NHLRC2: variants seen among roughly 807,000 people sequenced by gnomAD.
NHLRC2 encodes NHL repeat containing 2, also known as NHL repeat-containing protein 2.
A neutral mutation model predicts 68.1 loss-of-function variants in NHLRC2; 33 were observed. That is an observed-to-expected ratio of 0.48 (90% CI 0.37 to 0.65). The LOEUF is 0.65. NHLRC2 is among the 30% of genes least tolerant of loss of function. The pLI, the probability that NHLRC2 is intolerant of heterozygous loss-of-function variation, is 0.00. For synonymous variants in NHLRC2, 311 were observed against 309.6 expected, an observed-to-expected ratio of 1.00 and a Z score of -0.05; for missense variants, 761 against 853.8, an observed-to-expected ratio of 0.89 and a Z score of 1.35.
intron 5 of NHLRC2, among the ~76,000 whole-genome samples, chr10:113,886,924 A>G (rs1005261809): frequency 2.0e-5 from 3 of 152,214 alleles, no homozygotes; most frequent in African/African-American, 7.2e-5. Flanking sequence ...AGTTAACAGA[A>G]TGAAGAGACA....
At chr10:113,900,945 T>G (rs1250520055) in intron 6 of NHLRC2, among the ~76,000 whole-genome samples, 1 of 152,166 alleles carries the variant, frequency 6.6e-6, no homozygotes, top group African/African-American at 2.4e-5. Flanking sequence ...CATGTCTTTT[T>G]TACAGTCTCT....
Position 113,908,803 on chromosome 10 carries a change from G to A in NHLRC2, c.*267G>A, listed in dbSNP as rs1846297794. The A allele has an allele frequency of 2.2e-6, 1 of 450,504 alleles. No homozygotes were observed. Among genetic ancestry groups the A allele is most frequent in the Non-Finnish European group, 4.0e-6 (1 of 248,814 alleles). The allele number at this position is 450,504 out of a possible 1,614,324, so 27.9% of individuals were successfully genotyped here. On this transcript the variant is annotated 3_prime_UTR_variant, in exon 11 of 11. Coordinates refer to ENST00000369301, the MANE Select transcript of NHLRC2 (RefSeq NM_198514.4). Reference sequence around the variant, plus strand: ...TAATCTATGCTGCTATTTGGCACAAGACTGAAGTTCACACTACAGTAGAGA... The same window carrying A: ...TAATCTATGCTGCTATTTGGCACAAAACTGAAGTTCACACTACAGTAGAGA...
In NHLRC2 at chr10:113,880,666, T is replaced by C. The variant is rs191684977; in HGVS notation, c.909+971T>C. Among the ~76,000 whole-genome samples the C allele has an allele frequency of 3.3e-5, 5 of 152,066 alleles. No homozygotes were observed. The East Asian group carries it at 9.6e-4, about 29-fold the overall frequency. On this transcript the variant is annotated intron_variant, in intron 4 of 10. Coordinates refer to ENST00000369301, the MANE Select transcript of NHLRC2 (RefSeq NM_198514.4). ...AAAAAATACATATAATATATAATAA[T>C]ATCCACTGTACTGTAAGTCTTCCTG...
At chr10:113,866,606 A>G (rs1039157113) in intron 2 of NHLRC2, among the ~76,000 whole-genome samples, 1 of 152,088 alleles carries the variant, frequency 6.6e-6, no homozygotes, top group Non-Finnish European at 1.5e-5. Context: ...CATATAGTAT[A>G]TGCTTTTTTC....
chr10:113,858,665 A>G lies in NHLRC2; in HGVS notation c.316A>G (p.Thr106Ala). 6.2e-7 allele frequency: 1 copy of G among 1,610,824 alleles called. No individual in the cohort carries two copies. The highest frequency in any genetic ancestry group is 1.1e-5 in the South Asian group (1 of 90,876). The stretch of plus-strand genomic sequence containing the variant: ...GCCTGATCTCCATGCATTAGAACAC[A>G]CATACTCTGATAAAGGTATCTGCTC... Reference protein sequence around the residue: ...LLPDLHALEHTYSDKDGLLII... With the variant: ...LLPDLHALEHAYSDKDGLLII... Residue 106 changes from threonine (T) to alanine (A), a missense_variant, in exon 2 of 11, where the codon ACA (threonine) becomes GCA (alanine). Physicochemically the swap from Thr to Ala is moderately conservative, Grantham distance 58. Transcript: ENST00000369301.
rs185008035 is a variant in NHLRC2, at chr10:113,888,983, T to G, written c.1039+4603T>G. ...CTGAGATTACAGGTGTGCACCACCA[T>G]GCCTGGCTAATTTTTGTATTTTTAG... On this transcript the variant is annotated intron_variant, in intron 5 of 10. Coordinates refer to ENST00000369301, the MANE Select transcript of NHLRC2 (RefSeq NM_198514.4). 3.6e-3 allele frequency among the ~76,000 whole-genome samples: 543 copies of G among 151,970 alleles called. 3 individuals carry two copies. Among genetic ancestry groups the G allele is most frequent in the African/African-American group, 0.012 (492 of 41,464 alleles).
At chr10:113,896,676 T>C (rs1424260072) in intron 5 of NHLRC2, among the ~76,000 whole-genome samples, 3 of 151,620 alleles carry the variant, frequency 2.0e-5, no homozygotes, top group African/African-American at 7.3e-5. Flanking sequence ...TAATAATAAA[T>C]AAATAAATAA....
chr10:113,880,963 T>A (rs1387509123), intron 4 of NHLRC2, among the ~76,000 whole-genome samples: 1 of 152,008 alleles, frequency 6.6e-6, no homozygotes, highest in East Asian at 1.9e-4. Context: ...AGTGCATTAA[T>A]GGGGGGATAT....
Position 113,902,578 on chromosome 10 carries a change from C to G in NHLRC2, c.1479C>G (p.Asp493Glu). The change falls in exon 8 of 11, where the codon GAC (aspartate) becomes GAG (glutamate). Residue 493 changes from aspartate to glutamate, a missense_variant. Coordinates refer to ENST00000369301, the MANE Select transcript of NHLRC2 (RefSeq NM_198514.4). Reference sequence around the variant, plus strand: ...AAAGGAATTTACTTTATGTTGCAGACTCCTACAATCACAAGGTGAGTCGTG... The same window carrying G: ...AAAGGAATTTACTTTATGTTGCAGAGTCCTACAATCACAAGGTGAGTCGTG... ...DKKRNLLYVA[D>E]SYNHKIKVVD... The G allele has an allele frequency of 6.2e-7, 1 of 1,602,742 alleles. No homozygotes were observed. The highest frequency in any genetic ancestry group is 2.2e-5 in the East Asian group (1 of 44,752).
In NHLRC2 at chr10:113,903,670, A is replaced by G. The variant is rs1846247928; in HGVS notation, c.1638A>G (p.Leu546=). 5.0e-6 allele frequency: 8 copies of G among 1,604,218 alleles called. No homozygotes were observed. Among genetic ancestry groups the G allele is most frequent in the East Asian group, 2.2e-5 (1 of 44,732 alleles). Residue 546 remains leucine (L), a synonymous_variant, in exon 9 of 11, where the codon TTA becomes TTG. Coordinates refer to ENST00000369301, the MANE Select transcript of NHLRC2 (RefSeq NM_198514.4). ...GLCIGENGEL[L]YVADTNNHQI... is the part of the protein sequence containing the mutation. ...GTATTGGAGAGAATGGAGAATTATT[A>G]TATGTAGCAGACACCAATAATCATC...
chr10:113,889,417 A>G (rs1228091531), intron 5 of NHLRC2, among the ~76,000 whole-genome samples: 1 of 152,218 alleles, frequency 6.6e-6, no homozygotes, highest in Non-Finnish European at 1.5e-5. Flanking sequence ...CTTTAAAAAA[A>G]TCAGATGACA....
rs956258954 is a variant in NHLRC2, at chr10:113,910,459, TC to T, written c.*1926del. On this transcript the variant is annotated 3_prime_UTR_variant, in exon 11 of 11. Transcript: ENST00000369301. Reference sequence around the variant, plus strand: ...CTCAGGTGATCCGCCTGCCTCTGTCTCCCAAAGTGCTGGGATTACAGGTGTG... The same window carrying T: ...CTCAGGTGATCCGCCTGCCTCTGTCTCCAAAGTGCTGGGATTACAGGTGTG... 1.3e-5 allele frequency: 2 copies of T among 152,246 alleles called. No homozygotes were observed. Among genetic ancestry groups the T allele is most frequent in the Non-Finnish European group, 2.9e-5 (2 of 68,076 alleles). The allele number at this position is 152,246 out of a possible 1,614,324, so 9.4% of individuals were successfully genotyped here. A position where few individuals can be genotyped will look rare whatever the true frequency, so the allele number is the denominator to read the frequency against.
intron 2 of NHLRC2, among the ~76,000 whole-genome samples, chr10:113,876,095 A>G (rs1311806889): frequency 1.3e-5 from 2 of 151,776 alleles, no homozygotes; most frequent in Non-Finnish European, 1.5e-5. Context: ...TTAATCTGTA[A>G]TGTAAAGTTA....
At chr10:113,908,153 C>T (rs575928746) in intron 10 of NHLRC2, 127 bp from the exon 11 acceptor site, 28 of 680,932 alleles carry the variant, frequency 4.1e-5, no homozygotes, top group South Asian at 2.1e-4. Flanking sequence ...TCCCACAGAC[C>T]GCAATGCCTG....
At chr10:113,880,272 A>G (rs2134711769) in intron 4 of NHLRC2, among the ~76,000 whole-genome samples, 1 of 152,130 alleles carries the variant, frequency 6.6e-6, no homozygotes, top group Non-Finnish European at 1.5e-5. Context: ...ATAAAAATAA[A>G]TTGATATTAA....
chr10:113,856,755 C>T (rs1845763438), intron 1 of NHLRC2, among the ~76,000 whole-genome samples: 1 of 152,112 alleles, frequency 6.6e-6, no homozygotes, highest in South Asian at 2.1e-4. Context: ...CTCCTGGACC[C>T]GATTATTGAG....
At chr10:113,870,410 C>CTTTTTTCATGTAAAATTTTT (rs1292419194) in intron 2 of NHLRC2, among the ~76,000 whole-genome samples, 29 of 152,020 alleles carry the variant, frequency 1.9e-4, no homozygotes, top group African/African-American at 6.5e-4. Flanking sequence ...CATTTTTATA[C>CTTTTTTCATGTAAAATTTTT]ACTCGCTTTT....
At chr10:113,877,245 A>G (rs1353445181) in intron 3 of NHLRC2, among the ~76,000 whole-genome samples, 2 of 150,884 alleles carry the variant, frequency 1.3e-5, no homozygotes, top group Non-Finnish European at 3.0e-5. Flanking sequence ...TGTATATTCT[A>G]TCTTTTTTTT....
In NHLRC2 at chr10:113,914,011, T is replaced by A. The variant is rs1434225380; in HGVS notation, c.*5475T>A. 6.6e-6 allele frequency: 1 copy of A among 151,804 alleles called. No homozygotes were observed. Among genetic ancestry groups the A allele is most frequent in the Admixed American group, 6.6e-5 (1 of 15,226 alleles). 9.4% of individuals were successfully genotyped at this position (151,804 alleles called of 1,614,324 possible). On this transcript the variant is annotated 3_prime_UTR_variant, in exon 11 of 11. Coordinates refer to ENST00000369301, the MANE Select transcript of NHLRC2 (RefSeq NM_198514.4). ...TCACCACTACTGGTGCCCACCACAA[T>A]GCCCGGCTAATTTTTGTACTTTTAG...
Sources: allele counts gnomAD v4.1 joint callset (sites outside exome capture counted in the v4.1 genomes callset), GRCh38; gene constraint gnomAD v4.1.1; transcripts MANE v1.5; gene names NCBI Gene and HGNC (gene_info 2026-07-23, HGNC 2026-07-21).